The following RASGRP4 variants were observed in gnomAD, a reference collection of about 807,000 sequenced individuals.
RASGRP4 encodes the protein RAS guanyl releasing protein 4, also known as RAS guanyl-releasing protein 4.
A neutral mutation model predicts 84.4 loss-of-function variants in RASGRP4; 52 were observed. The observed-to-expected ratio is 0.62, with a 90% CI of 0.49 to 0.78. The LOEUF (loss-of-function observed/expected upper bound fraction) is 0.78. Ranked by LOEUF, RASGRP4 falls within the 30% of genes least tolerant of loss-of-function variation. RASGRP4 has a pLI of 0.00. For synonymous variants in RASGRP4, 356 were observed against 359.1 expected (o/e 0.99, Z 0.10); for missense variants, 760 against 886.9 (o/e 0.86, Z 1.82).
rs1162875568 is a variant in RASGRP4 at position 38,422,144 on chromosome 19, G to A, written c.33C>T (p.His11=). The change falls in exon 2 of 17, where the codon CAC becomes CAT. Residue 11 remains histidine, a synonymous_variant. Coordinates refer to ENST00000615439, the MANE Select transcript of RASGRP4 (RefSeq NM_170604.3). The stretch of plus-strand genomic sequence containing the variant: ...CTCCTATTTTTCCGGTGCATTCCTG[G>A]TGGGACTTCCTGTGGGCACAGCCCC... MNRKDSKRKS[H]QECTGKIGGR... The A allele has an allele frequency of 5.0e-6, 8 of 1,609,302 alleles. No homozygotes were observed. The highest frequency in any genetic ancestry group is 1.1e-5 in the South Asian group (1 of 90,842).
At position 38,417,407 on chromosome 19, in the gene RASGRP4, G is replaced by A. The variant is rs1251957216; in HGVS notation, c.838-239C>T. 3.3e-5 allele frequency among the ~76,000 whole-genome samples: 5 copies of A among 152,150 alleles called. No individual in the cohort carries two copies. The highest frequency in any genetic ancestry group is 4.1e-4 in the South Asian group (2 of 4,828). On this transcript the variant is annotated intron_variant, in intron 7 of 16. Transcript: ENST00000615439. The surrounding 1 kb of genome is among the most constrained non-coding windows in gnomAD (Gnocchi z 5.1). ...CAAGCAAGTGATTGACTGATACGAG[G>A]TTAGAAAATCTGGGGAGACAGGAAG...
intron 8 of RASGRP4, among the ~76,000 whole-genome samples, chr19:38,416,442 G>A (rs749982870): frequency 4.5e-5 from 6 of 132,494 alleles, no homozygotes; most frequent in East Asian, 2.3e-4. Flanking sequence ...CAGCCTGGGC[G>A]ACAAGAGCGA....
chr19:38,424,599 GT>G (rs2145249449), intron 1 of RASGRP4, among the ~76,000 whole-genome samples: 1 of 132,600 alleles, frequency 7.5e-6, no homozygotes, highest in South Asian at 3.0e-4. Flanking sequence ...TTGTGTGTGT[GT>G]TTGGGTGTGT....
chr19:38,418,563 G>C lies in RASGRP4; in HGVS notation c.665C>G (p.Pro222Arg). 1 of 1,515,086 alleles carries C rather than the reference G, an allele frequency of 6.6e-7. No homozygotes were observed. The highest frequency in any genetic ancestry group is 8.9e-7 in the Non-Finnish European group (1 of 1,128,712). The allele number at this position is 1,515,086 out of a possible 1,614,324, so 93.9% of individuals were successfully genotyped here. A position where few individuals can be genotyped will look rare whatever the true frequency, so the allele number is the denominator to read the frequency against. ...CAAAACGTAGCTCCGCAGGTCCTGGGGCTGGGAGCGAGGTGGGTGTCAAGG... is the reference window on the plus strand; with the variant it reads ...CAAAACGTAGCTCCGCAGGTCCTGGCGCTGGGAGCGAGGTGGGTGTCAAGG... ...LEFRSFQAIT[P>R]QDLRSYVLQG... is the part of the protein sequence containing the mutation. Residue 222 changes from proline to arginine, a missense_variant and splice_region_variant, in exon 7 of 17, where the codon CCC becomes CGC. Physicochemically the swap from Pro to Arg is moderately radical, Grantham distance 103. Coordinates refer to ENST00000615439, the MANE Select transcript of RASGRP4 (RefSeq NM_170604.3). This position sits in a 1 kb window ranked among gnomAD's most constrained non-coding sequence, Gnocchi z 4.6.
chr19:38,420,391 G>C lies in RASGRP4; in HGVS notation c.378-129C>G, dbSNP rs368090471. The C allele has an allele frequency of 1.2e-4, 123 of 1,057,274 alleles. No homozygotes were observed. In the East Asian group the frequency reaches 1.7e-3, roughly 15 times the overall value. The allele number at this position is 1,057,274 out of a possible 1,614,324, so 65.5% of individuals were successfully genotyped here. ...CTAAATGTGTGTGGGGGTCCCTGGA[G>C]GGTTGGGGTTTGGAGGGGCACCAGG... On this transcript the variant is annotated intron_variant, in intron 4 of 16. Transcript: ENST00000615439.
At chr19:38,424,789 G>C (rs1226764292) in intron 1 of RASGRP4, among the ~76,000 whole-genome samples, 1 of 151,956 alleles carries the variant, frequency 6.6e-6, no homozygotes, top group African/African-American at 2.4e-5. Context: ...TTCTAACTAA[G>C]TCAGCATTTC....
rs1971291742 is a variant in RASGRP4 at position 38,412,212 on chromosome 19, G to A, written c.1680+460C>T. Among the ~76,000 whole-genome samples, 1 of 152,020 alleles carries A rather than the reference G, an allele frequency of 6.6e-6. No individual in the cohort carries two copies. The highest frequency in any genetic ancestry group is 1.5e-5 in the Non-Finnish European group (1 of 68,016). On this transcript the variant is annotated intron_variant, in intron 13 of 16. Coordinates refer to ENST00000615439, the MANE Select transcript of RASGRP4 (RefSeq NM_170604.3). The surrounding 1 kb of genome is among the most constrained non-coding windows in gnomAD (Gnocchi z 4.6). ...TGGCTCATGCAACCTCCACCTCCTG[G>A]GTTCAAGCAATTCTCGTGCCTCAGC... is the stretch of plus-strand genomic sequence containing the variant.
intron 1 of RASGRP4, among the ~76,000 whole-genome samples, chr19:38,422,635 T>C (rs1971810781): frequency 6.6e-6 from 1 of 152,142 alleles, no homozygotes; most frequent in Non-Finnish European, 1.5e-5. Flanking sequence ...GGCTGCGTGC[T>C]GTTTATGATG....
chr19:38,418,290 A>G lies in RASGRP4; in HGVS notation c.837+101T>C. 3 of 1,233,546 alleles carry G rather than the reference A, an allele frequency of 2.4e-6. No individual in the cohort carries two copies. Among genetic ancestry groups the G allele is most frequent in the Non-Finnish European group, 3.4e-6 (3 of 875,952 alleles). The allele number at this position is 1,233,546 out of a possible 1,614,324, so 76.4% of individuals were successfully genotyped here. On this transcript the variant is annotated intron_variant, in intron 7 of 16. Coordinates refer to ENST00000615439, the MANE Select transcript of RASGRP4 (RefSeq NM_170604.3). The surrounding 1 kb of genome is among the most constrained non-coding windows in gnomAD (Gnocchi z 4.6). ...CGGGGGCGGGGCCGGGAGATGCGTG[A>G]CGTCACCGCCGGGATGACCCTGTGG... is the stretch of plus-strand genomic sequence containing the variant.
At chr19:38,421,925 C>T in intron 2 of RASGRP4, 44 bp downstream of exon 2, 1 of 1,561,058 alleles carries the variant, frequency 6.4e-7, no homozygotes, top group South Asian at 1.2e-5. Flanking sequence ...GAGTGCTGAG[C>T]CCGAGGTTAG....
At chr19:38,419,384 C>G (rs892832507) in intron 6 of RASGRP4, among the ~76,000 whole-genome samples, 6 of 152,196 alleles carry the variant, frequency 3.9e-5, no homozygotes, top group Non-Finnish European at 5.9e-5. Context: ...TGAGCACTTA[C>G]TAAGTGCCAG....
rs955640005 is a variant in RASGRP4 at position 38,412,182 on chromosome 19, G to A, written c.1680+490C>T. ...CACCCAAGCTGGAGTGCAGTGCTGCGATCTTGGCTCATGCAACCTCCACCT... is the reference window on the plus strand; with the variant it reads ...CACCCAAGCTGGAGTGCAGTGCTGCAATCTTGGCTCATGCAACCTCCACCT... On this transcript the variant is annotated intron_variant, in intron 13 of 16. Transcript: ENST00000615439. The surrounding 1 kb of genome is among the most constrained non-coding windows in gnomAD (Gnocchi z 4.6). 2.0e-5 allele frequency among the ~76,000 whole-genome samples: 3 copies of A among 151,988 alleles called. No homozygotes were observed. Among genetic ancestry groups the A allele is most frequent in the Non-Finnish European group, 4.4e-5 (3 of 68,006 alleles).
chr19:38,421,771 A>ATT (rs896199584), intron 2 of RASGRP4, among the ~76,000 whole-genome samples, 198 bp downstream of exon 2: 18 of 146,946 alleles, frequency 1.2e-4, no homozygotes, highest in Non-Finnish European at 3.0e-5. Context: ...ATACACATAT[A>ATT]TTATATATAT....
chr19:38,412,450 T>C lies in RASGRP4; in HGVS notation c.1680+222A>G. The stretch of plus-strand genomic sequence containing the variant: ...TATCTAGAGTTTTAGGTATTATCCA[T>C]GGTTCAGCAATTGTCTGGGGTGGAC... On this transcript the variant is annotated intron_variant, in intron 13 of 16. Coordinates refer to ENST00000615439, the MANE Select transcript of RASGRP4 (RefSeq NM_170604.3). The surrounding 1 kb of genome is among the most constrained non-coding windows in gnomAD (Gnocchi z 4.6). 1 of 560,908 alleles carries C rather than the reference T, an allele frequency of 1.8e-6. No homozygotes were observed. Among genetic ancestry groups the C allele is most frequent in the Non-Finnish European group, 3.1e-6 (1 of 317,652 alleles). 34.7% of individuals were successfully genotyped at this position (560,908 alleles called of 1,614,324 possible).
At position 38,418,529 on chromosome 19, in the gene RASGRP4, T is replaced by G. The variant is rs1400055820; in HGVS notation, c.699A>C (p.Ser233=). The G allele has an allele frequency of 7.8e-6, 12 of 1,546,630 alleles. No individual in the cohort carries two copies. Among genetic ancestry groups the G allele is most frequent in the Non-Finnish European group, 9.6e-6 (11 of 1,145,470 alleles). The change falls in exon 7 of 17, where the codon TCA becomes TCC. Residue 233 remains serine, a synonymous_variant. Coordinates refer to ENST00000615439, the MANE Select transcript of RASGRP4 (RefSeq NM_170604.3). This position sits in a 1 kb window ranked among gnomAD's most constrained non-coding sequence, Gnocchi z 4.6. ...CCTCCAGGGCCGGGCAGCCTCGTAC[T>G]GAGCCCTGCAAAACGTAGCTCCGCA... ...QDLRSYVLQG[S]VRGCPALEGS... is the part of the protein sequence containing the mutation.
In RASGRP4 at chr19:38,411,158, G is replaced by A. The variant is rs376039220; in HGVS notation, c.1809C>T (p.Pro603=). The A allele has an allele frequency of 7.1e-5, 114 of 1,613,666 alleles. No homozygotes were observed. In the Middle Eastern group the frequency reaches 1.2e-3, roughly 16 times the overall value. ...CTGGTGTGGATGGGACAGGAGCTCC[G>A]GGGGGTCCTGCATCGCCCTTGGCCC... ...RPGAKGDAGP[P]GAPVPSTPAP... The change falls in exon 15 of 17, where the codon CCC becomes CCT. Residue 603 remains proline, a synonymous_variant. Coordinates refer to ENST00000615439, the MANE Select transcript of RASGRP4 (RefSeq NM_170604.3).
chr19:38,418,651 G>A lies in RASGRP4; in HGVS notation c.664-87C>T. ...CCAACTAGCAGTCACGATCTCTGATGTCCTAGCCTGGTCTAGCCGGAGTGA... is the reference window on the plus strand; with the variant it reads ...CCAACTAGCAGTCACGATCTCTGATATCCTAGCCTGGTCTAGCCGGAGTGA... On this transcript the variant is annotated intron_variant, in intron 6 of 16. Coordinates refer to ENST00000615439, the MANE Select transcript of RASGRP4 (RefSeq NM_170604.3). This position sits in a 1 kb window ranked among gnomAD's most constrained non-coding sequence, Gnocchi z 4.6. 7.7e-7 allele frequency: 1 copy of A among 1,291,404 alleles called. No homozygotes were observed. The highest frequency in any genetic ancestry group is 1.0e-6 in the Non-Finnish European group (1 of 968,032). The allele number at this position is 1,291,404 out of a possible 1,614,324, so 80.0% of individuals were successfully genotyped here. A position where few individuals can be genotyped will look rare whatever the true frequency, so the allele number is the denominator to read the frequency against.
Position 38,421,148 on chromosome 19 carries a change from G to T in RASGRP4, c.261C>A (p.Ala87=). 1 of 1,613,876 alleles carries T rather than the reference G, an allele frequency of 6.2e-7. No individual in the cohort carries two copies. Among genetic ancestry groups the T allele is most frequent in the Non-Finnish European group, 8.5e-7 (1 of 1,179,834 alleles). ...HEDHMLNMVL[A]MHSWVLPSAD... is the part of the protein sequence containing the mutation. ...CGGACGGCAGCACCCAGCTGTGCAT[G>T]GCCAGCACCATGTTGAGCATGTGGT... The change falls in exon 3 of 17, where the codon GCC becomes GCA. Residue 87 remains alanine (A), a synonymous_variant. Coordinates refer to ENST00000615439, the MANE Select transcript of RASGRP4 (RefSeq NM_170604.3).
In RASGRP4 at chr19:38,413,257, G is replaced by C; in HGVS notation, c.1352C>G (p.Ala451Gly). ...GTCCGGCTTGGGTGTCACACCAGGG[G>C]CCCACTCCACCACCAGAGGTGCATT... ...PFNAPLVVEW[A>G]PGVTPKPDRV... The change falls in exon 11 of 17, where the codon GCC becomes GGC. Residue 451 changes from alanine (A) to glycine (G), a missense_variant. Transcript: ENST00000615439. This position sits in a 1 kb window ranked among gnomAD's most constrained non-coding sequence, Gnocchi z 4.7. 2 of 1,613,824 alleles carry C rather than the reference G, an allele frequency of 1.2e-6. No individual in the cohort carries two copies. The highest frequency in any genetic ancestry group is 1.7e-6 in the Non-Finnish European group (2 of 1,179,858).
Sources: gnomAD v4.1 joint callset for allele counts (sites outside exome capture counted in the v4.1 genomes callset) on GRCh38, gnomAD v4.1.1 for gene constraint, Gnocchi (gnomAD v3.1) non-coding constraint, MANE v1.5 for transcripts, NCBI Gene and HGNC (gene_info 2026-07-23, HGNC 2026-07-21) for gene names.